UVRAG: variants seen among roughly 807,000 people sequenced by gnomAD.
The protein encoded by UVRAG is UV radiation resistance associated, also known as UV radiation resistance-associated gene protein.
A neutral mutation model predicts 78.0 loss-of-function variants in UVRAG; 19 were observed. That is an observed-to-expected ratio of 0.24 (90% CI 0.17 to 0.36). The LOEUF is 0.36. Among genes scored for constraint, UVRAG ranks in the 10% least tolerant of loss-of-function variants. The probability of loss-of-function intolerance (pLI) is 1.00; values close to 1 mark genes in which losing one functional copy is unlikely to be tolerated. For synonymous variants in UVRAG, 323 were observed against 324.6 expected (o/e 1.00, Z 0.05); for missense variants, 740 against 853.8 (o/e 0.87, Z 1.66).
At chr11:75,920,541 C>T (rs1947958363) in intron 6 of UVRAG, among the ~76,000 whole-genome samples, 1 of 151,062 alleles carries the variant, frequency 6.6e-6, no homozygotes. Context: ...AAGTCTTCTC[C>T]TTCCCCTTTC....
intron 14 of UVRAG, among the ~76,000 whole-genome samples, chr11:76,123,848 C>T (rs1591262906): frequency 6.6e-6 from 1 of 152,188 alleles, no homozygotes; most frequent in South Asian, 2.1e-4. Context: ...TCATTGCAAC[C>T]CCCACCTCCC....
intron 1 of UVRAG, among the ~76,000 whole-genome samples, chr11:75,847,277 G>A (rs1042871259): frequency 2.6e-5 from 4 of 151,810 alleles, no homozygotes; most frequent in Non-Finnish European, 4.4e-5. Context: ...ACAGGTGTGT[G>A]CCACCACGCC....
chr11:75,878,187 C>A (rs1235940233), intron 3 of UVRAG, among the ~76,000 whole-genome samples: 1 of 139,654 alleles, frequency 7.2e-6, no homozygotes, highest in Non-Finnish European at 1.6e-5. Context: ...CAGACGGGGT[C>A]ACGGCCGGGC....
intron 13 of UVRAG, among the ~76,000 whole-genome samples, chr11:76,101,197 A>G (rs1951874603): frequency 6.6e-6 from 1 of 152,158 alleles, no homozygotes; most frequent in African/African-American, 2.4e-5. Flanking sequence ...TGGTTGAACT[A>G]ATTTACACTC....
chr11:75,938,098 C>CAT (rs1047827705), intron 6 of UVRAG, among the ~76,000 whole-genome samples: 4 of 151,274 alleles, frequency 2.6e-5, no homozygotes, highest in Admixed American at 6.6e-5. Context: ...CACACACACA[C>CAT]ATATATATAT....
At chr11:75,822,728 A>G (rs1260475529) in intron 1 of UVRAG, among the ~76,000 whole-genome samples, 1 of 151,630 alleles carries the variant, frequency 6.6e-6, no homozygotes, top group Non-Finnish European at 1.5e-5. Flanking sequence ...GATGGAAGAT[A>G]TCATAGGGAA....
chr11:76,067,198 A>G (rs982708061), intron 13 of UVRAG, among the ~76,000 whole-genome samples: 1 of 151,978 alleles, frequency 6.6e-6, no homozygotes, highest in African/African-American at 2.4e-5. Flanking sequence ...CTTCACACTC[A>G]TTGTCCTCTC....
At chr11:75,921,772 C>T (rs1947985876) in intron 6 of UVRAG, among the ~76,000 whole-genome samples, 1 of 151,590 alleles carries the variant, frequency 6.6e-6, no homozygotes, top group Admixed American at 6.6e-5. Context: ...GAAATTATTT[C>T]TTCATAGATG....
At position 75,825,191 on chromosome 11, in the gene UVRAG, C is replaced by T. The variant is rs372397917; in HGVS notation, c.117+9667C>T. Among the ~76,000 whole-genome samples the T allele has an allele frequency of 4.1e-3, 624 of 152,152 alleles. 11 individuals are homozygous for T. The highest frequency in any genetic ancestry group is 0.024 in the Middle Eastern group (7 of 294). On this transcript the variant is annotated intron_variant, in intron 1 of 14. Coordinates refer to ENST00000356136, the MANE Select transcript of UVRAG (RefSeq NM_003369.4). ...TGGCACGATCTCAGCTCACTGCAAC[C>T]TCTGCCTCCCAGGTTCAAGTAATTC...
At chr11:75,952,631 T>C (rs1243800848) in intron 6 of UVRAG, among the ~76,000 whole-genome samples, 1 of 152,160 alleles carries the variant, frequency 6.6e-6, no homozygotes, top group East Asian at 1.9e-4. Flanking sequence ...CCTACTCAGA[T>C]AAACCCACTT....
intron 14 of UVRAG, among the ~76,000 whole-genome samples, chr11:76,133,865 T>C (rs958895016): frequency 4.6e-5 from 7 of 152,068 alleles, no homozygotes; most frequent in African/African-American, 1.7e-4. Context: ...AAACCTAAGA[T>C]TGTGTTTCAC....
chr11:76,049,711 C>T (rs569806932), intron 12 of UVRAG, among the ~76,000 whole-genome samples: 5 of 152,272 alleles, frequency 3.3e-5, no homozygotes, highest in African/African-American at 1.2e-4. Flanking sequence ...AAATGTGTTC[C>T]AGATGCAGGG....
Position 76,077,015 on chromosome 11 carries a change from CA to C in UVRAG, c.1305+11240del, listed in dbSNP as rs113696599. On this transcript the variant is annotated intron_variant, in intron 13 of 14. Coordinates refer to ENST00000356136, the MANE Select transcript of UVRAG (RefSeq NM_003369.4). ...CTGGGCGACATGGCAAACCCTGTCT[CA>C]AAAAAAAAAAAAGATGTCTATTGAA... 1.0e-2 allele frequency among the ~76,000 whole-genome samples: 1,237 copies of C among 124,042 alleles called. 16 individuals carry two copies. Among genetic ancestry groups the C allele is most frequent in the African/African-American group, 0.029 (974 of 33,708 alleles). The allele number at this position is 124,042 out of a possible 152,430, so 81.4% of individuals were successfully genotyped here.
chr11:76,112,015 A>C (rs1952078580), intron 13 of UVRAG, among the ~76,000 whole-genome samples: 1 of 152,082 alleles, frequency 6.6e-6, no homozygotes, highest in Admixed American at 6.6e-5. Flanking sequence ...AATAATAATA[A>C]TAGGAGAAAA....
intron 1 of UVRAG, among the ~76,000 whole-genome samples, chr11:75,846,133 TTG>T (rs1309417039): frequency 1.3e-5 from 2 of 152,228 alleles, no homozygotes; most frequent in Non-Finnish European, 2.9e-5. Flanking sequence ...GATCAAAGCA[TTG>T]ATATTTATGC....
At chr11:76,087,088 T>G (rs563808111) in intron 13 of UVRAG, among the ~76,000 whole-genome samples, 15 of 152,366 alleles carry the variant, frequency 9.8e-5, no homozygotes, top group African/African-American at 3.4e-4. Context: ...GGAGATTTGC[T>G]GCCTATGCAG....
chr11:75,883,525 T>C (rs1287247178), intron 4 of UVRAG, among the ~76,000 whole-genome samples: 1 of 151,832 alleles, frequency 6.6e-6, no homozygotes, highest in Non-Finnish European at 1.5e-5. Flanking sequence ...AGTTATAAAG[T>C]TTTGGAGGAA....
chr11:76,098,844 T>C (rs1419732608), intron 13 of UVRAG, among the ~76,000 whole-genome samples: 3 of 152,198 alleles, frequency 2.0e-5, no homozygotes, highest in African/African-American at 4.8e-5. Context: ...ACACATTATA[T>C]AAAATTCATT....
intron 12 of UVRAG, among the ~76,000 whole-genome samples, chr11:76,047,350 G>A (rs1043215263): frequency 3.3e-5 from 5 of 152,186 alleles, no homozygotes; most frequent in African/African-American, 1.2e-4. Context: ...AAGAAGTCTG[G>A]TGGAGCTGTG....
Sources: allele counts gnomAD v4.1 joint callset (sites outside exome capture counted in the v4.1 genomes callset), GRCh38; gene constraint gnomAD v4.1.1; transcripts MANE v1.5; gene names NCBI Gene and HGNC (gene_info 2026-07-23, HGNC 2026-07-21).